WNT3: variants seen among roughly 807,000 people sequenced by gnomAD.
WNT3 encodes proto-oncogene Wnt-3.
In WNT3, 7 loss-of-function variants were observed where a neutral mutation model predicts 34.2. The observed-to-expected ratio is 0.20, with a 90% CI of 0.12 to 0.38. WNT3 has a LOEUF of 0.38. Ranked by LOEUF, WNT3 falls within the 10% of genes least tolerant of loss-of-function variation. The pLI, the probability that WNT3 is intolerant of heterozygous loss-of-function variation, is 1.00. For synonymous variants in WNT3, 212 were observed against 211.5 expected, an observed-to-expected ratio of 1.00 and a Z score of -0.02; for missense variants, 267 against 499.8, an observed-to-expected ratio of 0.53 and a Z score of 4.44.
In WNT3 at chr17:46,773,798, C is replaced by T. The variant is rs1380622205; in HGVS notation, c.192G>A (p.Glu64=). Residue 64 remains glutamate, a synonymous_variant, in exon 2 of 5, where the codon GAG becomes GAA. Transcript: ENST00000225512. ...CGCCCTCGGCCACGCTGGGCATGAT[C>T]TCGATGTAATTGCGGCAGAAGCGCA... ...KQLRFCRNYI[E]IMPSVAEGVK... The T allele has an allele frequency of 4.3e-6, 7 of 1,613,608 alleles. No individual in the cohort carries two copies. In the South Asian group the frequency reaches 7.7e-5, roughly 18 times the overall value.
Position 46,767,588 on chromosome 17 carries a change from A to G in WNT3, c.*8+724T>C, listed in dbSNP as rs181082036. 2.9e-3 allele frequency among the ~76,000 whole-genome samples: 442 copies of G among 152,312 alleles called. 3 individuals carry two copies. Among genetic ancestry groups the G allele is most frequent in the African/African-American group, 1.0e-2 (414 of 41,560 alleles). ...AGAAAGCTGAGGCCCAGAAAAGTGA[A>G]AGAACAGGAAGTTACTGACAAAGTT... On this transcript the variant is annotated intron_variant, in intron 4 of 4. Transcript: ENST00000225512.
intron 1 of WNT3, among the ~76,000 whole-genome samples, chr17:46,806,686 A>C (rs1258620889): frequency 6.6e-6 from 1 of 152,264 alleles, no homozygotes; most frequent in Non-Finnish European, 1.5e-5. Flanking sequence ...CTGAGGCTAG[A>C]CATTCTCTCC....
At chr17:46,788,295 T>G (rs906708198) in intron 1 of WNT3, among the ~76,000 whole-genome samples, 2 of 152,164 alleles carry the variant, frequency 1.3e-5, no homozygotes, top group African/African-American at 4.8e-5. Flanking sequence ...ATTTCTCCCC[T>G]TCCTGACCCC....
At chr17:46,805,777 G>A (rs982623451) in intron 1 of WNT3, among the ~76,000 whole-genome samples, 1 of 152,152 alleles carries the variant, frequency 6.6e-6, no homozygotes, top group Non-Finnish European at 1.5e-5. Context: ...AAACTTGACA[G>A]TGATATTCAC....
intron 1 of WNT3, among the ~76,000 whole-genome samples, chr17:46,815,163 T>TC (rs1568099670): frequency 1.3e-5 from 2 of 151,788 alleles, no homozygotes; most frequent in Non-Finnish European, 2.9e-5. Context: ...CATAGGTTCA[T>TC]CCCCCCACCC....
At position 46,769,767 on chromosome 17, in the gene WNT3, G is replaced by C; in HGVS notation, c.588+16C>G. ...GGCTGCTCCCTGAAGGGTTTGGGGAGGGTAGCCGGGCTCACCGTGCGGCCC... is the reference window on the plus strand; with the variant it reads ...GGCTGCTCCCTGAAGGGTTTGGGGACGGTAGCCGGGCTCACCGTGCGGCCC... On this transcript the variant is annotated intron_variant, in intron 3 of 4. Transcript: ENST00000225512. 1 of 1,608,368 alleles carries C rather than the reference G, an allele frequency of 6.2e-7. No homozygotes were observed. The highest frequency in any genetic ancestry group is 8.5e-7 in the Non-Finnish European group (1 of 1,179,790).
intron 1 of WNT3, among the ~76,000 whole-genome samples, chr17:46,787,096 CT>C (rs2059512982): frequency 6.6e-6 from 1 of 152,164 alleles, no homozygotes; most frequent in South Asian, 2.1e-4. Flanking sequence ...TGCCACTATG[CT>C]CTGCTAAGTT....
rs559569309 is a variant in WNT3 at position 46,779,117 on chromosome 17, G to A, written c.81-5208C>T. On this transcript the variant is annotated intron_variant, in intron 1 of 4. Transcript: ENST00000225512. ...CACACACACACACCCCAGCCCACTC[G>A]GCCTTCCAAAGGGCCGGGCACATGC... is the stretch of plus-strand genomic sequence containing the variant. Among the ~76,000 whole-genome samples the A allele has an allele frequency of 4.5e-4, 33 of 73,718 alleles. 6 individuals carry two copies. In the Admixed American group the frequency reaches 4.7e-3, roughly 10 times the overall value. 48.4% of individuals were successfully genotyped at this position (73,718 alleles called of 152,430 possible). A position where few individuals can be genotyped will look rare whatever the true frequency, so the allele number is the denominator to read the frequency against.
intron 1 of WNT3, among the ~76,000 whole-genome samples, chr17:46,789,558 G>A (rs1029672363): frequency 6.6e-5 from 10 of 151,228 alleles, no homozygotes; most frequent in East Asian, 1.9e-4. Context: ...GGCCAAAGAC[G>A]TTTAATCTGA....
chr17:46,764,692 G>A (rs1163115406), intron 4 of WNT3, 71 bp from the exon 5 acceptor site: 1 of 152,300 alleles, frequency 6.6e-6, no homozygotes, highest in Non-Finnish European at 1.5e-5. Context: ...GGGGTTCAAA[G>A]ATCAGAGGCT....
chr17:46,796,536 G>C (rs143029900), intron 1 of WNT3, among the ~76,000 whole-genome samples: 27 of 152,358 alleles, frequency 1.8e-4, no homozygotes, highest in African/African-American at 5.5e-4. Context: ...CTCAGAAGGA[G>C]TTGGATGAGA....
intron 1 of WNT3, among the ~76,000 whole-genome samples, chr17:46,793,405 G>A (rs950753231): frequency 2.0e-5 from 3 of 151,878 alleles, no homozygotes; most frequent in East Asian, 1.9e-4. Flanking sequence ...TGCTCCGGCC[G>A]CTGTTGGGGT....
At chr17:46,783,852 A>G (rs1294871830) in intron 1 of WNT3, among the ~76,000 whole-genome samples, 1 of 152,230 alleles carries the variant, frequency 6.6e-6, no homozygotes, top group African/African-American at 2.4e-5. Context: ...GCAGCTAGAA[A>G]GGGGCCCTGA....
At chr17:46,786,720 A>T (rs540887775) in intron 1 of WNT3, among the ~76,000 whole-genome samples, 1 of 152,192 alleles carries the variant, frequency 6.6e-6, no homozygotes, top group Non-Finnish European at 1.5e-5. Context: ...GTTACTGAGG[A>T]TGTCATCAAG....
chr17:46,771,384 G>A (rs1391989119), intron 2 of WNT3, among the ~76,000 whole-genome samples: 2 of 151,698 alleles, frequency 1.3e-5, no homozygotes, highest in African/African-American at 2.4e-5. Flanking sequence ...GAGGGGCCGA[G>A]GGCGGGTTCA....
chr17:46,818,442 C>T (rs966737723), intron 1 of WNT3, 76 bp downstream of exon 1: 5 of 1,465,824 alleles, frequency 3.4e-6, no homozygotes, highest in Middle Eastern at 2.4e-4. Context: ...CAGCGGCCCA[C>T]CCCCAGCCGG....
intron 2 of WNT3, among the ~76,000 whole-genome samples, chr17:46,770,492 T>C (rs1021732002): frequency 4.6e-5 from 7 of 152,098 alleles, no homozygotes; most frequent in African/African-American, 1.7e-4. Flanking sequence ...GAGGGAGGCC[T>C]GGGAATCTAC....
chr17:46,777,572 C>G (rs980162211), intron 1 of WNT3, among the ~76,000 whole-genome samples: 11 of 152,372 alleles, frequency 7.2e-5, no homozygotes, highest in Admixed American at 6.5e-4. Context: ...CTCCTCTGCC[C>G]CACAGGGATT....
chr17:46,769,725 C>T, intron 3 of WNT3, 58 bp downstream of exon 3: 1 of 1,596,866 alleles, frequency 6.3e-7, no homozygotes, highest in Non-Finnish European at 8.5e-7. Context: ...CAGGGCAGCT[C>T]CGGAGGGGAA....
Sources: allele counts gnomAD v4.1 joint callset (sites outside exome capture counted in the v4.1 genomes callset), GRCh38; gene constraint gnomAD v4.1.1; transcripts MANE v1.5; gene names NCBI Gene and HGNC (gene_info 2026-07-23, HGNC 2026-07-21).